ARHGAP45: variants seen among roughly 807,000 people sequenced by gnomAD.
ARHGAP45 encodes rho GTPase-activating protein 45.
In ARHGAP45, 56 loss-of-function variants were observed where a neutral mutation model predicts 116.1. The ratio of observed to expected loss-of-function variants is 0.48; its 90% CI spans 0.39 to 0.60. The LOEUF is 0.60. Among genes scored for constraint, ARHGAP45 ranks in the 20% least tolerant of loss-of-function variants. The pLI is 0.00. For missense variants in ARHGAP45, 1,622 were observed against 1,601.0 expected, an observed-to-expected ratio of 1.01 and a Z score of -0.22; for synonymous variants, 866 against 701.7, an observed-to-expected ratio of 1.23 and a Z score of -3.70.
At chr19:1,077,227 C>A in intron 10 of ARHGAP45, 1 of 985,340 alleles carries the variant, frequency 1.0e-6, no homozygotes, top group Non-Finnish European at 1.2e-6. Flanking sequence ...CGGAGACGCT[C>A]CCGTGGGGGC....
chr19:1,085,863 G>GGGGACT lies in ARHGAP45; in HGVS notation c.3268_3269insGGGACT (p.Glu1090delinsGlyAspTer). 6.2e-7 allele frequency: 1 copy of GGGGACT among 1,612,692 alleles called. No individual in the cohort carries two copies. On this transcript the variant is annotated stop_gained and protein_altering_variant, in exon 23 of 23. Coordinates refer to ENST00000313093, the MANE Select transcript of ARHGAP45 (RefSeq NM_012292.5). LOFTEE classifies it low-confidence loss of function (END_TRUNC). The stretch of plus-strand genomic sequence containing the variant: ...AGCCCGGGAGGACGGGGACGGGGAC[G>GGGGACT]AGGACGGCCCGGCCCAGCAGCTCTC...
intron 10 of ARHGAP45, chr19:1,077,526 A>T: frequency 9.8e-7 from 1 of 1,020,118 alleles, no homozygotes. Context: ...TGGGATTACA[A>T]GCGTGCACCA....
Position 1,068,485 on chromosome 19 carries a change from C to T in ARHGAP45, c.162C>T (p.Ser54=), listed in dbSNP as rs926977392. The change falls in exon 2 of 23, where the codon TCC becomes TCT. Residue 54 remains serine (S), a synonymous_variant. Coordinates refer to ENST00000313093, the MANE Select transcript of ARHGAP45 (RefSeq NM_012292.5). This position sits in a 1 kb window ranked among gnomAD's most constrained non-coding sequence, Gnocchi z 7.5. The part of the protein sequence containing the change: ...GPSLEPPAGS[S]GVKATGTLKR... ...GCCTGGAGCCGCCCGCTGGGTCCTC[C>T]GGCGTCAAGGCCACAGGGACCCTCA... 1.1e-5 allele frequency: 18 copies of T among 1,587,846 alleles called. No individual in the cohort carries two copies. Among genetic ancestry groups the T allele is most frequent in the African/African-American group, 4.0e-5 (3 of 74,290 alleles).
Position 1,084,358 on chromosome 19 carries a change from G to A in ARHGAP45, c.3064+12G>A. 3 of 1,598,622 alleles carry A rather than the reference G, an allele frequency of 1.9e-6. No individual in the cohort carries two copies. The highest frequency in any genetic ancestry group is 2.2e-5 in the South Asian group (2 of 89,852). On this transcript the variant is annotated intron_variant, in intron 22 of 22. Transcript: ENST00000313093. ...GGACGGGTGCAGAGGTGAGTGTGTG[G>A]CTGCCCGAACGGCCCCAAGGGAGGC...
chr19:1,066,375 G>T (rs2043031540), upstream of ARHGAP45: 6 of 583,874 alleles, frequency 1.0e-5, no homozygotes, highest in Non-Finnish European at 1.8e-5. Flanking sequence ...TCAGCAACGG[G>T]TGCCTGCGTC....
chr19:1,079,503 CAAAA>C (rs35895776), intron 11 of ARHGAP45, among the ~76,000 whole-genome samples, 196 bp from the exon 12 acceptor site: 1 of 112,240 alleles, frequency 8.9e-6, no homozygotes. Context: ...GACTCCATCT[CAAAA>C]AAAAAAAAAA....
In ARHGAP45 at chr19:1,074,007, T is replaced by G; in HGVS notation, c.783T>G (p.Cys261Trp). ...GCACGCCTCCCAGCCTGGAAGACTG[T>G]GACGCCGGTAAGCCCCCACCCAGCG... ...SEGTPPSLED[C>W]DAGCLPAEEV... Residue 261 changes from cysteine to tryptophan, a missense_variant, in exon 6 of 23, where the codon TGT becomes TGG. This residue lies in a region of ARHGAP45 where 1,334 missense variants were observed against 1,263.8 expected (regional missense o/e 1.06). Coordinates refer to ENST00000313093, the MANE Select transcript of ARHGAP45 (RefSeq NM_012292.5). The G allele has an allele frequency of 6.3e-7, 1 of 1,596,794 alleles. No homozygotes were observed. The highest frequency in any genetic ancestry group is 8.5e-7 in the Non-Finnish European group (1 of 1,172,472).
chr19:1,072,524 G>T (rs902667529), intron 2 of ARHGAP45, among the ~76,000 whole-genome samples: 11 of 152,168 alleles, frequency 7.2e-5, no homozygotes, highest in Non-Finnish European at 1.6e-4. Context: ...CAAAGTGCTG[G>T]GGTCACAGGT....
chr19:1,068,627 G>C lies in ARHGAP45; in HGVS notation c.304G>C (p.Glu102Gln), dbSNP rs561511306. Residue 102 changes from glutamate to glutamine, a missense_variant, in exon 2 of 23, where the codon GAG becomes CAG. By Grantham distance (29) the Glu-to-Gln change is conservative (BLOSUM62 2). This residue lies in a region of ARHGAP45 where 279 missense variants were observed against 311.9 expected (regional missense o/e 0.89). Coordinates refer to ENST00000313093, the MANE Select transcript of ARHGAP45 (RefSeq NM_012292.5). The surrounding 1 kb of genome is among the most constrained non-coding windows in gnomAD (Gnocchi z 7.5). The stretch of plus-strand genomic sequence containing the variant: ...CCCACTGACAGCCGCCAGCCCGGGC[G>C]AGCTGCCCACCGAGGGTGCCGGCCC... ...RSPLTAASPG[E>Q]LPTEGAGPDV... 1.7e-5 allele frequency: 27 copies of C among 1,611,944 alleles called. No homozygotes were observed. The African/African-American group carries it at 3.6e-4, about 21-fold the overall frequency.
In ARHGAP45 at chr19:1,083,046, C is replaced by T. The variant is rs1304313648; in HGVS notation, c.2724C>T (p.Tyr908=). The part of the protein sequence containing the change: ...LPPENRASLQ[Y]LLRHLRRIVE... ...CTGAGAACCGGGCCTCGCTGCAGTA[C>T]CTGCTGCGTCACCTACGCAGGTGAG... Residue 908 remains tyrosine (Y), a synonymous_variant, in exon 20 of 23, where the codon TAC becomes TAT. Coordinates refer to ENST00000313093, the MANE Select transcript of ARHGAP45 (RefSeq NM_012292.5). 1.9e-6 allele frequency: 3 copies of T among 1,546,666 alleles called. No homozygotes were observed. The highest frequency in any genetic ancestry group is 2.6e-6 in the Non-Finnish European group (3 of 1,150,772).
At chr19:1,067,622 C>T (rs1445443278) in intron 1 of ARHGAP45, 127 bp downstream of exon 1, 6 of 950,086 alleles carry the variant, frequency 6.3e-6, no homozygotes, top group Non-Finnish European at 9.9e-6. Context: ...CCCTACCGGG[C>T]GGGACGGCAG....
intron 21 of ARHGAP45, 71 bp from the exon 22 acceptor site, chr19:1,084,167 G>T (rs553478489): frequency 2.2e-5 from 31 of 1,400,560 alleles, no homozygotes; most frequent in Admixed American, 8.4e-5. Context: ...GGCTGTGTGG[G>T]TGGGTTTGTT....
chr19:1,075,276 C>T (rs2043224677), intron 10 of ARHGAP45, among the ~76,000 whole-genome samples: 2 of 140,036 alleles, frequency 1.4e-5, no homozygotes, highest in South Asian at 4.4e-4. Flanking sequence ...CGCTCTGTCG[C>T]CCAGGCTGCA....
chr19:1,084,426 T>G, intron 22 of ARHGAP45, 80 bp downstream of exon 22: 1 of 1,095,060 alleles, frequency 9.1e-7, no homozygotes. Context: ...GACCTAGTTG[T>G]ACACACGTGG....
upstream of ARHGAP45, chr19:1,066,208 G>A (rs1475749331): frequency 1.3e-6 from 2 of 1,516,774 alleles, no homozygotes; most frequent in Non-Finnish European, 1.8e-6. Flanking sequence ...TTGGGGTTTT[G>A]GGATTGGGGG....
At position 1,080,075 on chromosome 19, in the gene ARHGAP45, G is replaced by T; in HGVS notation, c.1660G>T (p.Asp554Tyr). The T allele has an allele frequency of 6.2e-7, 1 of 1,612,556 alleles. No individual in the cohort carries two copies. The highest frequency in any genetic ancestry group is 8.5e-7 in the Non-Finnish European group (1 of 1,179,918). ...CCAGCTGCAGCGGGACCAGGAGCCC[G>T]ATGTGCACTACGACTTTGAGCCCCA... ...VRQLQRDQEPDVHYDFEPHVS... is the reference protein window; with the variant it reads ...VRQLQRDQEPYVHYDFEPHVS... Residue 554 changes from aspartate (D) to tyrosine (Y), a missense_variant, in exon 13 of 23, where the codon GAT becomes TAT. This residue lies in a region of ARHGAP45 where 1,334 missense variants were observed against 1,263.8 expected (regional missense o/e 1.06). Coordinates refer to ENST00000313093, the MANE Select transcript of ARHGAP45 (RefSeq NM_012292.5).
intron 21 of ARHGAP45, among the ~76,000 whole-genome samples, chr19:1,083,801 G>A (rs1032925504): frequency 1.2e-4 from 19 of 152,176 alleles, no homozygotes; most frequent in Non-Finnish European, 1.9e-4. Context: ...AGTGCAATGG[G>A]GCGATCTCAG....
At chr19:1,070,329 CTTTT>C (rs1172163710) in intron 2 of ARHGAP45, among the ~76,000 whole-genome samples, 1 of 93,268 alleles carries the variant, frequency 1.1e-5, no homozygotes, top group Non-Finnish European at 2.1e-5. Flanking sequence ...CTTTTCTTTT[CTTTT>C]TTTTTTTTTT....
rs1186002065 is a variant in ARHGAP45 at position 1,085,838 on chromosome 19, A to G, written c.3243A>G (p.Thr1081=). The G allele has an allele frequency of 1.2e-6, 2 of 1,611,752 alleles. No individual in the cohort carries two copies. Among genetic ancestry groups the G allele is most frequent in the Non-Finnish European group, 8.5e-7 (1 of 1,179,868 alleles). Residue 1081 remains threonine (T), a synonymous_variant, in exon 23 of 23, where the codon ACA becomes ACG. Coordinates refer to ENST00000313093, the MANE Select transcript of ARHGAP45 (RefSeq NM_012292.5). ...GCAGTGAGGAGCAGCTGGAGGCCAC[A>G]GCCCGGGAGGACGGGGACGGGGACG... ...HSGSEEQLEA[T]AREDGDGDED...
Sources: allele counts gnomAD v4.1 joint callset (sites outside exome capture counted in the v4.1 genomes callset), GRCh38; gene constraint gnomAD v4.1.1; regional missense constraint gnomAD v4.1.1; non-coding constraint Gnocchi (gnomAD v3.1); transcripts MANE v1.5; gene names NCBI Gene and HGNC (gene_info 2026-07-23, HGNC 2026-07-21).